The following NPAS3 variants were observed in gnomAD, a reference collection of about 807,000 sequenced individuals.
NPAS3 encodes the protein neuronal PAS domain-containing protein 3.
Under a neutral mutation model 73.1 loss-of-function variants are expected in NPAS3, and 14 were observed. The ratio of observed to expected loss-of-function variants is 0.19; its 90% CI spans 0.13 to 0.30. NPAS3 has a LOEUF of 0.30. NPAS3 is among the 10% of genes least tolerant of loss of function. The pLI is 1.00. For synonymous variants in NPAS3, 620 were observed against 541.5 expected (o/e 1.14, Z -2.01); for missense variants, 1,096 against 1,250.0 (o/e 0.88, Z 1.86).
intron 4 of NPAS3, among the ~76,000 whole-genome samples, chr14:33,541,515 G>C (rs941945252): frequency 6.6e-6 from 1 of 152,150 alleles, no homozygotes; most frequent in African/African-American, 2.4e-5. Flanking sequence ...CCTGATCACT[G>C]CCCACAGGTT....
intron 3 of NPAS3, among the ~76,000 whole-genome samples, chr14:33,340,211 C>A (rs1482704634): frequency 6.6e-6 from 1 of 152,006 alleles, no homozygotes; most frequent in African/African-American, 2.4e-5. Context: ...ATATTTTTTC[C>A]TGGCTAGGCA....
At chr14:33,129,057 C>A (rs977128229) in intron 2 of NPAS3, among the ~76,000 whole-genome samples, 4 of 151,966 alleles carry the variant, frequency 2.6e-5, no homozygotes, top group African/African-American at 9.7e-5. Flanking sequence ...GAGAAAAGCC[C>A]CACAGCAGAA....
At chr14:33,522,517 A>G (rs147229441) in intron 4 of NPAS3, among the ~76,000 whole-genome samples, 1 of 152,070 alleles carries the variant, frequency 6.6e-6, no homozygotes, top group African/African-American at 2.4e-5. Flanking sequence ...AAACGCCTCT[A>G]CTCTTAACCA....
At chr14:33,405,081 C>G (rs1158749280) in intron 4 of NPAS3, among the ~76,000 whole-genome samples, 1 of 152,028 alleles carries the variant, frequency 6.6e-6, no homozygotes, top group African/African-American at 2.4e-5. Flanking sequence ...TGCAGAAAGC[C>G]TTGCTTCTAG....
At chr14:33,468,342 A>C (rs1191415624) in intron 4 of NPAS3, among the ~76,000 whole-genome samples, 1 of 152,244 alleles carries the variant, frequency 6.6e-6, no homozygotes, top group Admixed American at 6.5e-5. Flanking sequence ...TCTGTAGAAA[A>C]TATGAAGGCC....
At chr14:33,138,838 C>T (rs1254962520) in intron 2 of NPAS3, among the ~76,000 whole-genome samples, 1 of 152,148 alleles carries the variant, frequency 6.6e-6, no homozygotes, top group Admixed American at 6.6e-5. Flanking sequence ...TGCAATGGAA[C>T]CTGACTTCAA....
intron 6 of NPAS3, among the ~76,000 whole-genome samples, chr14:33,695,275 A>G (rs1439687856): frequency 6.6e-6 from 1 of 152,178 alleles, no homozygotes; most frequent in Non-Finnish European, 1.5e-5. Context: ...AGAGACTCTG[A>G]CTTTTAAGGT....
chr14:33,124,233 A>G (rs558765524), intron 2 of NPAS3, among the ~76,000 whole-genome samples: 3 of 152,114 alleles, frequency 2.0e-5, no homozygotes, highest in South Asian at 2.1e-4. Flanking sequence ...TATCCCCCCA[A>G]TAACATCAGA....
chr14:33,519,877 G>A (rs189303423), intron 4 of NPAS3, among the ~76,000 whole-genome samples: 1 of 152,208 alleles, frequency 6.6e-6, no homozygotes, highest in African/African-American at 2.4e-5. Context: ...GAGCTGCACA[G>A]ATACCTCCTT....
At chr14:33,089,659 T>C (rs2042156307) in intron 2 of NPAS3, among the ~76,000 whole-genome samples, 1 of 152,064 alleles carries the variant, frequency 6.6e-6, no homozygotes, top group African/African-American at 2.4e-5. Context: ...ACCACAAAGA[T>C]ACTCCTCGAG....
At chr14:32,986,933 C>T (rs2038122365) in intron 1 of NPAS3, among the ~76,000 whole-genome samples, 1 of 152,118 alleles carries the variant, frequency 6.6e-6, no homozygotes, top group South Asian at 2.1e-4. Context: ...TTTTCTGTGG[C>T]GCTGCCCCGC....
chr14:33,800,955 G>T lies in NPAS3; in HGVS notation c.2648G>T (p.Gly883Val). 1.2e-6 allele frequency: 2 copies of T among 1,603,158 alleles called. No homozygotes were observed. Among genetic ancestry groups the T allele is most frequent in the Middle Eastern group, 3.3e-4 (2 of 6,048 alleles). ...CACGTGCACCGGCTCAACATGTCAGGACCGTTCGGCGGCGCAGTGAGCGCA... is the reference window on the plus strand; with the variant it reads ...CACGTGCACCGGCTCAACATGTCAGTACCGTTCGGCGGCGCAGTGAGCGCA... Residue 883 changes from glycine (G) to valine (V), a missense_variant, in exon 12 of 12, where the codon GGA becomes GTA. Around this residue, in one of 5 missense-constraint regions of NPAS3, gnomAD observed 698 missense variants for 676.7 expected, o/e 1.03. Coordinates refer to ENST00000356141, the Ensembl canonical transcript of NPAS3. This position sits in a 1 kb window ranked among gnomAD's most constrained non-coding sequence, Gnocchi z 6.5.
At chr14:33,090,609 G>C (rs1359519658) in intron 2 of NPAS3, among the ~76,000 whole-genome samples, 1 of 152,102 alleles carries the variant, frequency 6.6e-6, no homozygotes, top group Non-Finnish European at 1.5e-5. Flanking sequence ...AGTTAACAAG[G>C]ATATCCAGGA....
chr14:33,780,607 A>C (rs61973025), intron 9 of NPAS3: 16,087 of 454,558 alleles, frequency 0.035, 391 homozygotes, highest in Non-Finnish European at 0.047. Flanking sequence ...GCATCATGCT[A>C]TCTCTCTGGG....
At chr14:33,433,750 GC>G (rs771573538) in intron 4 of NPAS3, among the ~76,000 whole-genome samples, 2 of 152,182 alleles carry the variant, frequency 1.3e-5, no homozygotes, top group Non-Finnish European at 2.9e-5. Flanking sequence ...TTGGAGTTAA[GC>G]CCTAACTCTA....
In NPAS3 at chr14:33,696,262, A is replaced by G. The variant is rs111266052; in HGVS notation, c.733+19877A>G. ...AGTAAATGAAATCCTTTAATGAGAC[A>G]ATAGTGGTGGCACAAAAAGAACCCT... On this transcript the variant is annotated intron_variant, in intron 6 of 11. Coordinates refer to ENST00000356141, the Ensembl canonical transcript of NPAS3. 5.6e-3 allele frequency among the ~76,000 whole-genome samples: 858 copies of G among 152,318 alleles called. 8 individuals are homozygous for G. The highest frequency in any genetic ancestry group is 0.018 in the African/African-American group (764 of 41,568).
At chr14:33,348,962 T>C (rs1422098623) in intron 3 of NPAS3, among the ~76,000 whole-genome samples, 1 of 152,194 alleles carries the variant, frequency 6.6e-6, no homozygotes, top group Non-Finnish European at 1.5e-5. Context: ...TTTTCACTTT[T>C]GCCCTTGCCA....
At chr14:33,440,493 C>T (rs1054541337) in intron 4 of NPAS3, among the ~76,000 whole-genome samples, 1 of 152,204 alleles carries the variant, frequency 6.6e-6, no homozygotes, top group Admixed American at 6.5e-5. Context: ...TATACCAATT[C>T]TTTCTTAATA....
chr14:33,444,512 G>A (rs1224365403), intron 4 of NPAS3, among the ~76,000 whole-genome samples: 1 of 152,210 alleles, frequency 6.6e-6, no homozygotes, highest in Non-Finnish European at 1.5e-5. Flanking sequence ...CAGTAACTAA[G>A]CAAATTTTAA....
Sources: allele counts gnomAD v4.1 joint callset (sites outside exome capture counted in the v4.1 genomes callset), GRCh38; gene constraint gnomAD v4.1.1; regional missense constraint gnomAD v4.1.1; non-coding constraint Gnocchi (gnomAD v3.1); transcripts MANE v1.5; gene names NCBI Gene and HGNC (gene_info 2026-07-23, HGNC 2026-07-21).